The following CNTNAP5 variants were observed in gnomAD, a reference collection of about 807,000 sequenced individuals.
CNTNAP5 encodes contactin-associated protein-like 5.
In CNTNAP5, 72 loss-of-function variants were observed where a neutral mutation model predicts 150.2. That is an observed-to-expected ratio of 0.48 (90% CI 0.40 to 0.58). The LOEUF (loss-of-function observed/expected upper bound fraction) is 0.58. Among genes scored for constraint, CNTNAP5 ranks in the 20% least tolerant of loss-of-function variants. The pLI, the probability that CNTNAP5 is intolerant of heterozygous loss-of-function variation, is 0.00. For missense variants in CNTNAP5, 1,636 were observed against 1,626.2 expected (o/e 1.01, Z -0.10); for synonymous variants, 672 against 619.8 (o/e 1.08, Z -1.25).
chr2:124,685,945 A>T (rs1679185686), intron 13 of CNTNAP5, among the ~76,000 whole-genome samples: 1 of 151,894 alleles, frequency 6.6e-6, no homozygotes, highest in Admixed American at 6.6e-5. Context: ...TTAACTTTTC[A>T]TAAATTTAGG....
At chr2:124,454,131 CAACT>C (rs1260049217) in intron 6 of CNTNAP5, among the ~76,000 whole-genome samples, 3 of 152,244 alleles carry the variant, frequency 2.0e-5, no homozygotes, top group Non-Finnish European at 2.9e-5. Flanking sequence ...GTTCACCAAC[CAACT>C]ATCTGCTGCC....
intron 1 of CNTNAP5, among the ~76,000 whole-genome samples, chr2:124,215,102 T>C (rs1330745604): frequency 1.3e-5 from 2 of 152,084 alleles, no homozygotes; most frequent in East Asian, 1.9e-4. Context: ...AGTTGTCATG[T>C]CTAAGCACCG....
chr2:124,128,509 C>T (rs1220375474), intron 1 of CNTNAP5, among the ~76,000 whole-genome samples: 1 of 152,132 alleles, frequency 6.6e-6, no homozygotes, highest in Non-Finnish European at 1.5e-5. Flanking sequence ...GTGGCGATTC[C>T]TCAAGGATCT....
At chr2:124,037,385 A>T (rs1020372112) in intron 1 of CNTNAP5, among the ~76,000 whole-genome samples, 1 of 152,174 alleles carries the variant, frequency 6.6e-6, no homozygotes, top group South Asian at 2.1e-4. Context: ...CTGCTCTCCC[A>T]TGTTCATTGC....
chr2:124,757,802 C>A (rs1307257721), intron 14 of CNTNAP5, among the ~76,000 whole-genome samples: 3 of 152,148 alleles, frequency 2.0e-5, no homozygotes, highest in African/African-American at 7.2e-5. Context: ...AAAGCAGCAA[C>A]CTCAAACTCT....
intron 21 of CNTNAP5, among the ~76,000 whole-genome samples, chr2:124,902,516 A>C (rs1354806261): frequency 3.3e-5 from 5 of 152,208 alleles, no homozygotes; most frequent in Non-Finnish European, 7.3e-5. Context: ...CCAGTATCCA[A>C]AGATAAATGA....
intron 10 of CNTNAP5, 93 bp downstream of exon 10, chr2:124,527,549 G>T: frequency 1.0e-6 from 1 of 983,532 alleles, no homozygotes; most frequent in Non-Finnish European, 1.5e-6. Flanking sequence ...CTAATCCACC[G>T]ACATTAGCCA....
chr2:124,338,873 G>T (rs112376113), intron 3 of CNTNAP5, among the ~76,000 whole-genome samples: 13 of 152,190 alleles, frequency 8.5e-5, no homozygotes, highest in African/African-American at 3.1e-4. Flanking sequence ...GGTTATGGTT[G>T]CTCATTTGAA....
chr2:124,725,356 A>T (rs1470190155), intron 13 of CNTNAP5, among the ~76,000 whole-genome samples: 2 of 152,086 alleles, frequency 1.3e-5, no homozygotes, highest in Non-Finnish European at 2.9e-5. Context: ...TGATGTTTTG[A>T]TACAGTTATA....
intron 13 of CNTNAP5, among the ~76,000 whole-genome samples, chr2:124,691,375 T>G (rs561485369): frequency 6.6e-6 from 1 of 151,994 alleles, no homozygotes; most frequent in South Asian, 2.1e-4. Context: ...AGAAAAGGGA[T>G]TCTGATTTCT....
At chr2:124,128,502 G>A (rs1250467896) in intron 1 of CNTNAP5, among the ~76,000 whole-genome samples, 1 of 152,152 alleles carries the variant, frequency 6.6e-6, no homozygotes, top group Non-Finnish European at 1.5e-5. Flanking sequence ...AGACAGTGTG[G>A]CGATTCCTCA....
chr2:124,545,328 G>A (rs950309240), intron 10 of CNTNAP5, among the ~76,000 whole-genome samples: 66 of 152,022 alleles, frequency 4.3e-4, no homozygotes, highest in African/African-American at 1.5e-3. Context: ...AAACATGTGA[G>A]TTCGTTTTCT....
At chr2:124,725,717 C>T (rs979229891) in intron 13 of CNTNAP5, among the ~76,000 whole-genome samples, 1 of 151,994 alleles carries the variant, frequency 6.6e-6, no homozygotes, top group African/African-American at 2.4e-5. Context: ...CATGTCTCTA[C>T]TTTCCCTACT....
chr2:124,193,354 G>A (rs1019910008), intron 1 of CNTNAP5, among the ~76,000 whole-genome samples: 1 of 152,180 alleles, frequency 6.6e-6, no homozygotes, highest in South Asian at 2.1e-4. Flanking sequence ...TATGTCCACT[G>A]TTTATTGTCT....
chr2:124,438,634 C>T (rs1036966431), intron 5 of CNTNAP5, among the ~76,000 whole-genome samples: 1 of 152,090 alleles, frequency 6.6e-6, no homozygotes, highest in Non-Finnish European at 1.5e-5. Flanking sequence ...CACTGAGATG[C>T]CAGAGAAAGT....
chr2:124,176,401 G>C (rs1442373272), intron 1 of CNTNAP5, among the ~76,000 whole-genome samples: 1 of 152,186 alleles, frequency 6.6e-6, no homozygotes, highest in Non-Finnish European at 1.5e-5. Flanking sequence ...TAAGGGTCTT[G>C]TCACCTTTAC....
At chr2:124,185,962 C>A (rs1024061622) in intron 1 of CNTNAP5, among the ~76,000 whole-genome samples, 1 of 152,298 alleles carries the variant, frequency 6.6e-6, no homozygotes, top group African/African-American at 2.4e-5. Context: ...ATAGGACATA[C>A]GTGTATACTC....
intron 20 of CNTNAP5, among the ~76,000 whole-genome samples, chr2:124,866,686 G>A (rs1429477037): frequency 6.6e-6 from 1 of 152,036 alleles, no homozygotes. Flanking sequence ...CATATAAAGG[G>A]CCAGCAGCAG....
intron 16 of CNTNAP5, among the ~76,000 whole-genome samples, chr2:124,764,812 A>G (rs189742484): frequency 1.3e-5 from 2 of 152,296 alleles, no homozygotes; most frequent in Non-Finnish European, 2.9e-5. Context: ...CAATATTCCA[A>G]TACTAATAAA....
Sources: gnomAD v4.1 joint callset for allele counts (sites outside exome capture counted in the v4.1 genomes callset) on GRCh38, gnomAD v4.1.1 for gene constraint, MANE v1.5 for transcripts, NCBI Gene and HGNC (gene_info 2026-07-23, HGNC 2026-07-21) for gene names.